GRID2: variants seen among roughly 807,000 people sequenced by gnomAD.
GRID2 encodes the protein glutamate ionotropic receptor delta type subunit 2.
In GRID2, 33 loss-of-function variants were observed where a neutral mutation model predicts 114.8. That is an observed-to-expected ratio of 0.29 (90% CI 0.22 to 0.38). The LOEUF is 0.38. Among genes scored for constraint, GRID2 ranks in the 10% least tolerant of loss-of-function variants. The probability of loss-of-function intolerance (pLI) is 1.00; values close to 1 mark genes in which losing one functional copy is unlikely to be tolerated. For missense variants in GRID2, 1,184 were observed against 1,257.7 expected, an observed-to-expected ratio of 0.94 and a Z score of 0.89; for synonymous variants, 505 against 449.9, an observed-to-expected ratio of 1.12 and a Z score of -1.55.
intron 14 of GRID2, 81 bp from the exon 15 acceptor site, chr4:93,769,129 G>T: frequency 7.3e-7 from 1 of 1,369,500 alleles, no homozygotes; most frequent in Non-Finnish European, 1.0e-6. Context: ...TCCTACAGAG[G>T]TGGGATTATA....
chr4:92,590,466 A>G (rs987792588), intron 2 of GRID2, among the ~76,000 whole-genome samples, 180 bp downstream of exon 2: 2 of 152,214 alleles, frequency 1.3e-5, no homozygotes, highest in African/African-American at 4.8e-5. Context: ...TTGAAAGGGC[A>G]GAATGTGGAA....
chr4:92,901,282 G>A (rs1053295283), intron 2 of GRID2, among the ~76,000 whole-genome samples: 1 of 152,148 alleles, frequency 6.6e-6, no homozygotes, highest in Non-Finnish European at 1.5e-5. Context: ...ACTTATGTAA[G>A]ATGGCTATCT....
intron 8 of GRID2, among the ~76,000 whole-genome samples, chr4:93,380,328 AT>A (rs940102764): frequency 6.6e-5 from 10 of 151,724 alleles, no homozygotes; most frequent in African/African-American, 2.4e-4. Context: ...ACAATGAAAG[AT>A]TTTCCCCTAG....
chr4:93,746,477 C>G (rs1027691216), intron 14 of GRID2, among the ~76,000 whole-genome samples: 1 of 149,904 alleles, frequency 6.7e-6, no homozygotes, highest in Non-Finnish European at 1.5e-5. Flanking sequence ...CACATACAGG[C>G]CAATATAGAT....
At chr4:92,758,666 C>G (rs1737843989) in intron 2 of GRID2, among the ~76,000 whole-genome samples, 1 of 152,068 alleles carries the variant, frequency 6.6e-6, no homozygotes, top group Non-Finnish European at 1.5e-5. Flanking sequence ...ATACTTCTAA[C>G]AATAATAATG....
At chr4:92,725,487 T>C (rs1412315295) in intron 2 of GRID2, among the ~76,000 whole-genome samples, 2 of 152,254 alleles carry the variant, frequency 1.3e-5, no homozygotes, top group Admixed American at 1.3e-4. Flanking sequence ...CTACTTGAAG[T>C]CTCATTCAGT....
intron 8 of GRID2, among the ~76,000 whole-genome samples, chr4:93,335,951 T>G (rs1161504698): frequency 6.6e-6 from 1 of 152,172 alleles, no homozygotes; most frequent in Non-Finnish European, 1.5e-5. Context: ...CCTCCCAAAG[T>G]GCTGGGATTA....
rs200326740 is a variant in GRID2 at position 92,965,451 on chromosome 4, A to G, written c.245-119544A>G. Among the ~76,000 whole-genome samples, 77 of 13,414 alleles carry G rather than the reference A, an allele frequency of 5.7e-3. No homozygotes were observed. The East Asian group carries it at 0.065, about 11-fold the overall frequency. The allele number at this position is 13,414 out of a possible 152,430, so 8.8% of individuals were successfully genotyped here. A position where few individuals can be genotyped will look rare whatever the true frequency, so the allele number is the denominator to read the frequency against. On this transcript the variant is annotated intron_variant, in intron 2 of 15. Coordinates refer to ENST00000282020, the MANE Select transcript of GRID2 (RefSeq NM_001510.4). The stretch of plus-strand genomic sequence containing the variant: ...GGGTTGCCATAAACATTCAATTTGT[A>G]AAAAAAAAAAAAAAAAAAAAAAAAA...
At chr4:93,441,477 T>A (rs1005384731) in intron 10 of GRID2, among the ~76,000 whole-genome samples, 1 of 142,858 alleles carries the variant, frequency 7.0e-6, no homozygotes, top group Admixed American at 7.0e-5. Flanking sequence ...ATATAATATA[T>A]TTCCTCTTTC....
chr4:93,604,680 T>A (rs1740024505), intron 13 of GRID2, among the ~76,000 whole-genome samples: 1 of 152,174 alleles, frequency 6.6e-6, no homozygotes, highest in Non-Finnish European at 1.5e-5. Context: ...GTCTTATTTT[T>A]AAAAACTGCC....
At chr4:92,915,410 G>A (rs1748703649) in intron 2 of GRID2, among the ~76,000 whole-genome samples, 1 of 152,160 alleles carries the variant, frequency 6.6e-6, no homozygotes. Flanking sequence ...ATGGTCAAAT[G>A]TTCTGGTTTT....
chr4:93,075,104 C>G (rs1216576353), intron 2 of GRID2, among the ~76,000 whole-genome samples: 3 of 152,154 alleles, frequency 2.0e-5, no homozygotes, highest in Admixed American at 2.0e-4. Flanking sequence ...TATATTCTAA[C>G]CCATTTACTG....
intron 2 of GRID2, among the ~76,000 whole-genome samples, chr4:93,058,111 C>CAGTGAAGTTTCAAGTAGACTTCTCA (rs6148572): frequency 6.6e-6 from 1 of 151,320 alleles, no homozygotes; most frequent in African/African-American, 2.4e-5. Context: ...TTGCCAGATT[C>CAGTGAAGTTTCAAGTAGACTTCTCA]AGTGAAGTTT....
intron 2 of GRID2, among the ~76,000 whole-genome samples, chr4:92,790,644 C>T (rs1252553116): frequency 6.6e-6 from 1 of 150,834 alleles, no homozygotes; most frequent in African/African-American, 2.4e-5. Context: ...TCTCAAACTC[C>T]TAGATTCAAG....
chr4:93,366,792 A>T (rs1762380248), intron 8 of GRID2, among the ~76,000 whole-genome samples: 1 of 152,024 alleles, frequency 6.6e-6, no homozygotes, highest in Non-Finnish European at 1.5e-5. Context: ...AAGCTGGCCG[A>T]CGCTTAAGGA....
At chr4:92,408,395 CT>C (rs1165628706) in intron 1 of GRID2, among the ~76,000 whole-genome samples, 1 of 46,070 alleles carries the variant, frequency 2.2e-5, no homozygotes, top group Non-Finnish European at 4.7e-5. Context: ...TGGCTTTGTG[CT>C]TTTTTTGCTT....
intron 1 of GRID2, among the ~76,000 whole-genome samples, chr4:92,397,841 C>T (rs1389552428): frequency 1.3e-5 from 2 of 152,146 alleles, no homozygotes; most frequent in African/African-American, 2.4e-5. Flanking sequence ...GATTTTATTT[C>T]TTCCACACCT....
chr4:93,444,704 C>A (rs1295939501), intron 10 of GRID2, among the ~76,000 whole-genome samples: 1 of 151,744 alleles, frequency 6.6e-6, no homozygotes, highest in Non-Finnish European at 1.5e-5. Context: ...GTTAAAAATA[C>A]AAAAGTGACA....
intron 8 of GRID2, among the ~76,000 whole-genome samples, chr4:93,286,071 CT>C (rs1489658556): frequency 6.6e-6 from 1 of 151,928 alleles, no homozygotes; most frequent in African/African-American, 2.4e-5. Flanking sequence ...CAGAAAAAAA[CT>C]TTTTCTGCAT....
Sources: allele counts gnomAD v4.1 joint callset (sites outside exome capture counted in the v4.1 genomes callset), GRCh38; gene constraint gnomAD v4.1.1; transcripts MANE v1.5; gene names NCBI Gene and HGNC (gene_info 2026-07-23, HGNC 2026-07-21).